The following UBR3 variants were observed in gnomAD, a reference collection of about 807,000 sequenced individuals.
UBR3 encodes the protein E3 ubiquitin-protein ligase UBR3.
A neutral mutation model predicts 243.2 loss-of-function variants in UBR3; 85 were observed. The observed-to-expected ratio is 0.35, with a 90% CI of 0.29 to 0.42. UBR3 has a LOEUF of 0.42. Among genes scored for constraint, UBR3 ranks in the 10% least tolerant of loss-of-function variants. UBR3 has a pLI of 1.00. For missense variants in UBR3, 1,686 were observed against 2,300.8 expected (o/e 0.73, Z 5.47); for synonymous variants, 748 against 799.8 (o/e 0.94, Z 1.09).
intron 25 of UBR3, among the ~76,000 whole-genome samples, chr2:169,991,150 T>A (rs899473224): frequency 1.3e-5 from 2 of 152,094 alleles, no homozygotes; most frequent in African/African-American, 4.8e-5. Context: ...AGCCAATCCA[T>A]CATGAAGGTA....
chr2:170,000,137 A>C (rs893446262), intron 26 of UBR3, among the ~76,000 whole-genome samples: 23 of 150,226 alleles, frequency 1.5e-4, no homozygotes, highest in African/African-American at 4.5e-4. Context: ...AAAAAAAAAA[A>C]CCTCAAAAAA....
chr2:170,036,794 G>A (rs985429275), intron 31 of UBR3, among the ~76,000 whole-genome samples: 6 of 152,042 alleles, frequency 3.9e-5, no homozygotes, highest in East Asian at 1.9e-4. Context: ...TATGTTTGCC[G>A]TCTACTTTTG....
At chr2:169,940,769 C>A (rs1478501190) in intron 19 of UBR3, among the ~76,000 whole-genome samples, 1 of 152,110 alleles carries the variant, frequency 6.6e-6, no homozygotes, top group Admixed American at 6.5e-5. Flanking sequence ...TACAGTTGTC[C>A]CCTCTTATCT....
chr2:170,080,071 A>G (rs2091881345), intron 37 of UBR3, 48 bp downstream of exon 37: 1 of 1,524,668 alleles, frequency 6.6e-7, no homozygotes, highest in South Asian at 1.2e-5. Flanking sequence ...CAGATCTCAT[A>G]TCACAAAATA....
intron 11 of UBR3, among the ~76,000 whole-genome samples, chr2:169,918,833 T>C (rs2085570349): frequency 6.6e-6 from 1 of 152,150 alleles, no homozygotes; most frequent in Non-Finnish European, 1.5e-5. Flanking sequence ...CAAATATTTA[T>C]TGAATGTTTA....
intron 25 of UBR3, among the ~76,000 whole-genome samples, chr2:169,989,124 C>T (rs1355313253): frequency 6.6e-5 from 10 of 152,090 alleles, no homozygotes; most frequent in African/African-American, 1.7e-4. Context: ...AGAATTATTT[C>T]GAAGCAGATT....
At chr2:170,072,391 G>A (rs1467201123) in intron 35 of UBR3, among the ~76,000 whole-genome samples, 1 of 151,298 alleles carries the variant, frequency 6.6e-6, no homozygotes, top group Non-Finnish European at 1.5e-5. Context: ...AGGGACACAG[G>A]AAGGGGAACA....
At chr2:169,845,737 C>T (rs1489332658) in intron 1 of UBR3, among the ~76,000 whole-genome samples, 1 of 151,728 alleles carries the variant, frequency 6.6e-6, no homozygotes, top group African/African-American at 2.4e-5. Flanking sequence ...AGGCACACCA[C>T]CACACCCAGA....
chr2:169,986,751 A>G lies in UBR3; in HGVS notation c.3741A>G (p.Glu1247=). 6.2e-7 allele frequency: 1 copy of G among 1,614,110 alleles called. No individual in the cohort carries two copies. ...VICGQSGPSS[E]DRPTGLVVLL... ...GTGGACAGAGTGGCCCCTCCTCTGAAGATCGACCTACTGGATTAGTTGTAC... is the reference window on the plus strand; with the variant it reads ...GTGGACAGAGTGGCCCCTCCTCTGAGGATCGACCTACTGGATTAGTTGTAC... The change falls in exon 25 of 39, where the codon GAA becomes GAG. Residue 1247 remains glutamate (E), a synonymous_variant. Coordinates refer to ENST00000272793, the MANE Select transcript of UBR3 (RefSeq NM_172070.4).
chr2:169,830,437 A>C (rs2081895632), intron 1 of UBR3, among the ~76,000 whole-genome samples: 1 of 152,112 alleles, frequency 6.6e-6, no homozygotes, highest in African/African-American at 2.4e-5. Flanking sequence ...GATTTAACTT[A>C]TTTATTCTTT....
At chr2:170,027,518 A>G (rs988185266) in intron 30 of UBR3, among the ~76,000 whole-genome samples, 1 of 151,732 alleles carries the variant, frequency 6.6e-6, no homozygotes, top group African/African-American at 2.4e-5. Context: ...TTTCAATGCA[A>G]AACAGGTTAG....
intron 1 of UBR3, among the ~76,000 whole-genome samples, chr2:169,857,442 G>A (rs1267707863): frequency 6.6e-6 from 1 of 151,128 alleles, no homozygotes; most frequent in African/African-American, 2.4e-5. Context: ...TTGAGACAGA[G>A]GTTCACTCTT....
intron 36 of UBR3, among the ~76,000 whole-genome samples, chr2:170,077,002 A>G (rs1226800432): frequency 6.6e-6 from 1 of 152,230 alleles, no homozygotes; most frequent in Non-Finnish European, 1.5e-5. Context: ...AAACCGTACT[A>G]GAGGTTAGAC....
chr2:170,081,807 C>T lies in UBR3; in HGVS notation c.5631C>T (p.Ile1877=). Residue 1877 remains isoleucine, a synonymous_variant, in exon 39 of 39, where the codon ATC becomes ATT. Coordinates refer to ENST00000272793, the MANE Select transcript of UBR3 (RefSeq NM_172070.4). ...QQWISHTFDH[I]NKRWGPHYNG... The stretch of plus-strand genomic sequence containing the variant: ...GGATTTCTCATACTTTTGATCACAT[C>T]AATAAAAGATGGGGTCCACATTACA... 2.5e-6 allele frequency: 4 copies of T among 1,606,202 alleles called. No individual in the cohort carries two copies. Among genetic ancestry groups the T allele is most frequent in the Non-Finnish European group, 3.4e-6 (4 of 1,175,778 alleles).
At chr2:169,970,204 C>T (rs1350541337) in intron 24 of UBR3, among the ~76,000 whole-genome samples, 10 of 125,042 alleles carry the variant, frequency 8.0e-5, no homozygotes, top group African/African-American at 2.7e-4. Flanking sequence ...CTTGTAGGAG[C>T]TTTTACCTCC....
At position 169,881,267 on chromosome 2, in the gene UBR3, C is replaced by T. The variant is rs1028586974; in HGVS notation, c.1038+2693C>T. On this transcript the variant is annotated intron_variant, in intron 5 of 38. Coordinates refer to ENST00000272793, the MANE Select transcript of UBR3 (RefSeq NM_172070.4). Reference sequence around the variant, plus strand: ...TGATCTTGGCTCACTGCAACCTCCACCTCCCGGGTTCAAGCGATTCTCCTG... The same window carrying T: ...TGATCTTGGCTCACTGCAACCTCCATCTCCCGGGTTCAAGCGATTCTCCTG... Among the ~76,000 whole-genome samples, 7 of 151,760 alleles carry T rather than the reference C, an allele frequency of 4.6e-5. No homozygotes were observed. In the East Asian group the frequency reaches 5.9e-4, roughly 13 times the overall value.
intron 20 of UBR3, among the ~76,000 whole-genome samples, chr2:169,944,940 A>T (rs2086729165): frequency 6.6e-6 from 1 of 152,084 alleles, no homozygotes; most frequent in African/African-American, 2.4e-5. Context: ...AACATAGTGG[A>T]TCAGAAAGGA....
chr2:170,002,668 T>G (rs141346764), intron 27 of UBR3, among the ~76,000 whole-genome samples: 5 of 152,298 alleles, frequency 3.3e-5, no homozygotes, highest in Non-Finnish European at 7.4e-5. Flanking sequence ...TCAGGGGCCT[T>G]AATTCATCAG....
chr2:169,987,812 G>A (rs1451316413), intron 25 of UBR3, among the ~76,000 whole-genome samples: 1 of 152,150 alleles, frequency 6.6e-6, no homozygotes, highest in Admixed American at 6.6e-5. Flanking sequence ...GTAGGGTAAA[G>A]TGGAAAGAGT....
Sources: allele counts gnomAD v4.1 joint callset (sites outside exome capture counted in the v4.1 genomes callset), GRCh38; gene constraint gnomAD v4.1.1; transcripts MANE v1.5; gene names NCBI Gene and HGNC (gene_info 2026-07-23, HGNC 2026-07-21).